FBXL17: variants seen among roughly 807,000 people sequenced by gnomAD.
The protein encoded by FBXL17 is F-box/LRR-repeat protein 17.
FBXL17 carries 22 observed loss-of-function variants against 66.2 expected under a neutral mutation model. The observed-to-expected ratio is 0.33, with a 90% CI of 0.24 to 0.47. The LOEUF (loss-of-function observed/expected upper bound fraction) is 0.47, where lower values mean the gene tolerates loss of function less well. Ranked by LOEUF, FBXL17 falls within the 20% of genes least tolerant of loss-of-function variation. The pLI, the probability that FBXL17 is intolerant of heterozygous loss-of-function variation, is 1.00. For synonymous variants in FBXL17, 474 were observed against 400.5 expected (o/e 1.18, Z -2.19); for missense variants, 878 against 948.2 (o/e 0.93, Z 0.97).
chr5:108,189,293 G>C (rs1466589489), intron 5 of FBXL17, among the ~76,000 whole-genome samples: 1 of 16,302 alleles, frequency 6.1e-5, no homozygotes, highest in Non-Finnish European at 9.1e-5. Context: ...TCATAGGATG[G>C]GATGGGATGG....
intron 5 of FBXL17, among the ~76,000 whole-genome samples, chr5:108,216,774 G>A (rs1372314668): frequency 2.0e-5 from 3 of 152,044 alleles, no homozygotes; most frequent in South Asian, 2.1e-4. Context: ...AAATTCAAGC[G>A]GCAGGTACCA....
At chr5:108,109,264 C>T (rs1173187400) in intron 6 of FBXL17, among the ~76,000 whole-genome samples, 1 of 152,182 alleles carries the variant, frequency 6.6e-6, no homozygotes, top group Non-Finnish European at 1.5e-5. Flanking sequence ...AGGTCACTCT[C>T]ACCTTCCCCA....
intron 4 of FBXL17, among the ~76,000 whole-genome samples, chr5:108,330,718 ACACACACATCATCACACGTG>A (rs1394692521): frequency 1.2e-4 from 19 of 152,248 alleles, no homozygotes; most frequent in South Asian, 4.1e-4. Context: ...CATCACAGGT[ACACACACATCATCACACGTG>A]CACACACATC....
At chr5:108,091,868 C>A (rs949966499) in intron 6 of FBXL17, among the ~76,000 whole-genome samples, 1 of 152,142 alleles carries the variant, frequency 6.6e-6, no homozygotes, top group Non-Finnish European at 1.5e-5. Context: ...ATGCTGTAAT[C>A]TTTACATTAT....
intron 4 of FBXL17, among the ~76,000 whole-genome samples, chr5:108,294,729 A>G (rs1758275178): frequency 6.6e-6 from 1 of 152,124 alleles, no homozygotes; most frequent in East Asian, 1.9e-4. Flanking sequence ...AGAAGTGATA[A>G]GAAAACTCAT....
chr5:108,364,700 A>G (rs759074259), intron 3 of FBXL17, 38 bp downstream of exon 3: 1 of 1,512,340 alleles, frequency 6.6e-7, no homozygotes, highest in Non-Finnish European at 9.0e-7. Context: ...ATTTTTAATT[A>G]ATTCAAGTAA....
chr5:108,016,286 G>A (rs1014229826), intron 7 of FBXL17, among the ~76,000 whole-genome samples: 1 of 152,176 alleles, frequency 6.6e-6, no homozygotes, highest in Admixed American at 6.5e-5. Flanking sequence ...CAGGAGAGCA[G>A]TCCACGGGTC....
At chr5:108,234,483 T>A (rs1035075255) in intron 4 of FBXL17, among the ~76,000 whole-genome samples, 1 of 152,240 alleles carries the variant, frequency 6.6e-6, no homozygotes, top group African/African-American at 2.4e-5. Flanking sequence ...AACCTATGCT[T>A]TGTATGTTAT....
chr5:107,982,207 A>G (rs1235939873), intron 7 of FBXL17, among the ~76,000 whole-genome samples: 1 of 152,216 alleles, frequency 6.6e-6, no homozygotes, highest in Non-Finnish European at 1.5e-5. Context: ...TTTAGTACAT[A>G]AATAAATTTT....
chr5:108,153,454 C>T (rs1039317030), intron 6 of FBXL17, among the ~76,000 whole-genome samples: 1 of 152,154 alleles, frequency 6.6e-6, no homozygotes, highest in Admixed American at 6.5e-5. Flanking sequence ...ACAATTTGTT[C>T]TGCATACTTT....
intron 6 of FBXL17, among the ~76,000 whole-genome samples, chr5:108,091,883 T>C (rs1473111735): frequency 6.6e-6 from 1 of 152,218 alleles, no homozygotes; most frequent in South Asian, 2.1e-4. Flanking sequence ...CATTATGTTG[T>C]AGATTAGAAT....
chr5:107,872,925 G>A (rs1228060762), intron 8 of FBXL17, among the ~76,000 whole-genome samples: 1 of 152,194 alleles, frequency 6.6e-6, no homozygotes, highest in East Asian at 1.9e-4. Context: ...AACATTCTCT[G>A]GCAGGACGGA....
intron 6 of FBXL17, among the ~76,000 whole-genome samples, chr5:108,146,248 T>C (rs1751555339): frequency 6.7e-6 from 1 of 149,568 alleles, no homozygotes; most frequent in Non-Finnish European, 1.5e-5. Flanking sequence ...AAAAAAAGAC[T>C]CATCACCAAA....
chr5:108,362,859 A>G (rs1259821183), intron 3 of FBXL17, among the ~76,000 whole-genome samples: 5 of 152,114 alleles, frequency 3.3e-5, no homozygotes, highest in African/African-American at 2.4e-5. Context: ...AGAAATTATC[A>G]ATAAAATTTA....
At chr5:108,240,947 T>A (rs181612428) in intron 4 of FBXL17, among the ~76,000 whole-genome samples, 20 of 152,238 alleles carry the variant, frequency 1.3e-4, no homozygotes, top group Admixed American at 1.3e-3. Flanking sequence ...ACAGAATTCT[T>A]CCAGATCTTA....
intron 4 of FBXL17, among the ~76,000 whole-genome samples, chr5:108,243,408 C>G (rs935076616): frequency 2.0e-5 from 3 of 152,114 alleles, no homozygotes; most frequent in Non-Finnish European, 4.4e-5. Flanking sequence ...ACTAATGTAA[C>G]AGCCATAGGT....
chr5:108,251,063 T>C (rs1756328732), intron 4 of FBXL17, among the ~76,000 whole-genome samples: 1 of 152,094 alleles, frequency 6.6e-6, no homozygotes, highest in Non-Finnish European at 1.5e-5. Context: ...TCCTTGTAGA[T>C]ATATTTTGAA....
chr5:108,154,624 C>T (rs1367094513), intron 6 of FBXL17, among the ~76,000 whole-genome samples: 28 of 93,648 alleles, frequency 3.0e-4, no homozygotes, highest in African/African-American at 1.1e-3. Flanking sequence ...TATACACACA[C>T]ACACACACAC....
intron 5 of FBXL17, among the ~76,000 whole-genome samples, chr5:108,212,622 G>T (rs898903042): frequency 2.0e-5 from 3 of 152,138 alleles, no homozygotes; most frequent in Non-Finnish European, 2.9e-5. Flanking sequence ...GACCCTGTTT[G>T]CCTGGATATC....
Sources: gnomAD v4.1 joint callset for allele counts (sites outside exome capture counted in the v4.1 genomes callset) on GRCh38, gnomAD v4.1.1 for gene constraint, MANE v1.5 for transcripts, NCBI Gene and HGNC (gene_info 2026-07-23, HGNC 2026-07-21) for gene names.